KDM6A: variants seen among roughly 807,000 people sequenced by gnomAD.
The protein encoded by KDM6A is lysine demethylase 6A.
A neutral mutation model predicts 117.6 loss-of-function variants in KDM6A; 11 were observed. The observed-to-expected ratio is 0.09, with a 90% CI of 0.06 to 0.15. The LOEUF (loss-of-function observed/expected upper bound fraction) is 0.15, where lower values mean the gene tolerates loss of function less well. Among genes scored for constraint, KDM6A ranks in the 10% least tolerant of loss-of-function variants. KDM6A has a pLI of 1.00. For missense variants in KDM6A, 799 were observed against 1,077.3 expected (o/e 0.74, Z 3.62); for synonymous variants, 384 against 396.1 (o/e 0.97, Z 0.36).
intron 2 of KDM6A, among the ~76,000 whole-genome samples, chrX:44,916,801 A>C (rs1188011228): frequency 9.2e-6 from 1 of 108,717 alleles, no homozygotes; most frequent in Non-Finnish European, 1.9e-5. Context: ...GCACACTACA[A>C]CACCTGACTA....
chrX:44,879,259 G>A (rs2032009119), intron 2 of KDM6A, among the ~76,000 whole-genome samples: 2 of 111,854 alleles, frequency 1.8e-5, no homozygotes, highest in African/African-American at 6.5e-5. Context: ...ATTGTGATGC[G>A]TTGAACTCTT....
chrX:45,075,499 T>G (rs2045072845), intron 18 of KDM6A, among the ~76,000 whole-genome samples: 1 of 111,964 alleles, frequency 8.9e-6, no homozygotes, highest in Non-Finnish European at 1.9e-5. Context: ...GTATTTTTAT[T>G]TAAAAGTCAA....
intron 17 of KDM6A, among the ~76,000 whole-genome samples, chrX:45,067,646 TTTTTTTG>T (rs1316763354): frequency 2.1e-5 from 2 of 95,710 alleles, no homozygotes; most frequent in African/African-American, 1.0e-4. Context: ...GTGTGTATCT[TTTTTTTG>T]TTTTTTTTTT....
chrX:44,945,678 A>G (rs899254565), intron 2 of KDM6A, among the ~76,000 whole-genome samples: 2 of 112,073 alleles, frequency 1.8e-5, no homozygotes, highest in African/African-American at 3.2e-5. Context: ...TTCATATTTT[A>G]TATGAAAGTA....
chrX:45,052,834 C>T (rs1012737976), intron 9 of KDM6A, among the ~76,000 whole-genome samples: 8 of 111,064 alleles, frequency 7.2e-5, no homozygotes, highest in Non-Finnish European at 1.1e-4. Context: ...GGGCTGCAGG[C>T]GCATGCCACC....
intron 2 of KDM6A, among the ~76,000 whole-genome samples, chrX:44,904,905 C>CT (rs1211203193): frequency 1.9e-4 from 21 of 112,061 alleles, no homozygotes; most frequent in African/African-American, 6.8e-4. Context: ...TCCTGCAAGC[C>CT]TTTGATTCGT....
intron 2 of KDM6A, among the ~76,000 whole-genome samples, chrX:44,933,307 G>T (rs1569454370): frequency 1.3e-5 from 1 of 75,602 alleles, no homozygotes; most frequent in African/African-American, 5.4e-5. Context: ...TCACTCTGTC[G>T]CCCAGGCTGG....
chrX:45,089,947 G>A lies in KDM6A; in HGVS notation c.3892+17G>A, dbSNP rs2148196568. 1 of 1,181,948 alleles carries A rather than the reference G, an allele frequency of 8.5e-7. No individual in the cohort carries two copies. The highest frequency in any genetic ancestry group is 1.1e-6 in the Non-Finnish European group (1 of 871,623). On this transcript the variant is annotated intron_variant, in intron 26 of 29. Coordinates refer to ENST00000611820, the MANE Select transcript of KDM6A (RefSeq NM_001291415.2). ...CACTTACAGGTATTATAAAGAATAT[G>A]CTTTAAAAAAGTTAATTTATAAAGG...
At chrX:45,093,449 G>T (rs1402258664) in intron 27 of KDM6A, among the ~76,000 whole-genome samples, 1 of 110,031 alleles carries the variant, frequency 9.1e-6, no homozygotes, top group African/African-American at 3.3e-5. Flanking sequence ...GTTCCAAGGG[G>T]TAAGCTTAGA....
At chrX:44,967,606 AAAAC>A (rs1465040405) in intron 3 of KDM6A, among the ~76,000 whole-genome samples, 4 of 111,666 alleles carry the variant, frequency 3.6e-5, no homozygotes, top group South Asian at 3.7e-4. Flanking sequence ...TCCTTTAAAA[AAAAC>A]AAACAAAAAA....
intron 9 of KDM6A, among the ~76,000 whole-genome samples, chrX:45,052,926 A>G (rs1166498045): frequency 1.8e-5 from 2 of 111,032 alleles, no homozygotes; most frequent in Non-Finnish European, 3.8e-5. Flanking sequence ...AACTCCTGGC[A>G]TCAAGCGATC....
chrX:44,982,680 G>A (rs1198731568), intron 4 of KDM6A, among the ~76,000 whole-genome samples: 1 of 111,851 alleles, frequency 8.9e-6, no homozygotes, highest in Admixed American at 9.6e-5. Flanking sequence ...TTCAGCATAT[G>A]CTTGAAAATT....
At chrX:44,960,773 A>T (rs1185355337) in intron 2 of KDM6A, among the ~76,000 whole-genome samples, 1 of 111,772 alleles carries the variant, frequency 8.9e-6, no homozygotes, top group Non-Finnish European at 1.9e-5. Flanking sequence ...AAGACAATGG[A>T]AAGGCAGTAT....
chrX:45,059,607 T>A, intron 12 of KDM6A, 141 bp downstream of exon 12: 1 of 488,322 alleles, frequency 2.0e-6, no homozygotes. Context: ...TACCATAGCT[T>A]GTAATATTAT....
At chrX:45,083,968 A>T (rs1019978715) in intron 24 of KDM6A, among the ~76,000 whole-genome samples, 1 of 112,154 alleles carries the variant, frequency 8.9e-6, no homozygotes, top group Non-Finnish European at 1.9e-5. Context: ...AGTATGTTTT[A>T]TATGTAACCG....
At chrX:44,900,059 C>T (rs1209948367) in intron 2 of KDM6A, among the ~76,000 whole-genome samples, 1 of 111,985 alleles carries the variant, frequency 8.9e-6, no homozygotes, top group East Asian at 2.8e-4. Context: ...TATTTACATG[C>T]AAAGAAAGAA....
rs1485578974 is a variant in KDM6A at position 44,961,374 on chromosome X, T to C, written c.316T>C (p.Leu106=). ...FCQLGHFNLL[L]EDYPKALSAY... is the part of the protein sequence containing the mutation. Reference sequence around the variant, plus strand: ...TCAATTAGGTCACTTCAACCTCTTATTGGAAGATTATCCAAAAGGTAATTT... The same window carrying C: ...TCAATTAGGTCACTTCAACCTCTTACTGGAAGATTATCCAAAAGGTAATTT... Residue 106 remains leucine (L), a synonymous_variant, in exon 3 of 30, where the codon TTG becomes CTG. Coordinates refer to ENST00000611820, the MANE Select transcript of KDM6A (RefSeq NM_001291415.2). The C allele has an allele frequency of 1.7e-6, 2 of 1,165,161 alleles. No homozygotes were observed.
Position 44,873,668 on chromosome X carries a change from C to G in KDM6A, c.117C>G (p.Pro39=). Residue 39 remains proline (P), a synonymous_variant, in exon 1 of 30, where the codon CCC becomes CCG. Transcript: ENST00000611820. Reference sequence around the variant, plus strand: ...GCGGCGAGAGCGAGGAGGCGTCCCCCAGCCTGACAGCCGAGGAGAGGGAGG... The same window carrying G: ...GCGGCGAGAGCGAGGAGGCGTCCCCGAGCCTGACAGCCGAGGAGAGGGAGG... ...KASGESEEAS[P]SLTAEEREAL... is the part of the protein sequence containing the mutation. 2 of 1,183,762 alleles carry G rather than the reference C, an allele frequency of 1.7e-6. No individual in the cohort carries two copies. Among genetic ancestry groups the G allele is most frequent in the Non-Finnish European group, 2.3e-6 (2 of 881,979 alleles).
chrX:45,068,786 T>TTCTTTCTCTTCC (rs1556326879), intron 17 of KDM6A, among the ~76,000 whole-genome samples: 2 of 85,441 alleles, frequency 2.3e-5, no homozygotes, highest in Non-Finnish European at 4.4e-5. Context: ...CTCCTCTCTC[T>TTCTTTCTCTTCC]TCTTTCTCTT....
Sources: gnomAD v4.1 joint callset for allele counts (sites outside exome capture counted in the v4.1 genomes callset) on GRCh38, gnomAD v4.1.1 for gene constraint, MANE v1.5 for transcripts, NCBI Gene and HGNC (gene_info 2026-07-23, HGNC 2026-07-21) for gene names.